Variants in RYR3 observed in about 807,000 individuals in gnomAD.
The protein encoded by RYR3 is ryanodine receptor 3, also known as brain ryanodine receptor-calcium release channel.
In RYR3, 207 loss-of-function variants were observed where a neutral mutation model predicts 584.3. The ratio of observed to expected loss-of-function variants is 0.35; its 90% CI spans 0.32 to 0.40. The LOEUF is 0.40. RYR3 is among the 10% of genes least tolerant of loss of function. The probability of loss-of-function intolerance (pLI) is 1.00; values close to 1 mark genes in which losing one functional copy is unlikely to be tolerated. For missense variants in RYR3, 5,616 were observed against 6,089.2 expected, an observed-to-expected ratio of 0.92 and a Z score of 2.59; for synonymous variants, 2,416 against 2,248.5, an observed-to-expected ratio of 1.07 and a Z score of -2.11.
chr15:33,477,802 G>A (rs1438831407), intron 2 of RYR3, among the ~76,000 whole-genome samples: 3 of 132,400 alleles, frequency 2.3e-5, no homozygotes, highest in Admixed American at 1.4e-4. Context: ...ATGAACCCGG[G>A]AGGCGGAGGT....
At position 33,580,095 on chromosome 15, in the gene RYR3, A is replaced by G; in HGVS notation, c.1388A>G (p.Gln463Arg). The G allele has an allele frequency of 6.2e-7, 1 of 1,613,448 alleles. No homozygotes were observed. The highest frequency in any genetic ancestry group is 8.5e-7 in the Non-Finnish European group (1 of 1,179,644). Residue 463 changes from glutamine (Q) to arginine (R), a missense_variant, in exon 13 of 104, where the codon CAG becomes CGG. By Grantham distance (43) the Gln-to-Arg change is conservative. Around this residue, in one of 9 missense-constraint regions of RYR3, gnomAD observed 1,284 missense variants for 1,344.6 expected, o/e 0.95. Coordinates refer to ENST00000634891, the MANE Select transcript of RYR3 (RefSeq NM_001036.6). ...GAGGAGATGCGACATGAAGACAAGC[A>G]GAACAAGCTCCGCTCACTCAAAAAC... ...PEEEMRHEDK[Q>R]NKLRSLKNRQ...
In RYR3 at chr15:33,807,679, C is replaced by A. The variant is rs28459255; in HGVS notation, c.10026+110C>A. ...GGGGGTGGTAGAGAATGGATTTTCC[C>A]GCCTGGAGGTCCCCCAGGCCTGCTC... On this transcript the variant is annotated intron_variant, in intron 70 of 103. Coordinates refer to ENST00000634891, the MANE Select transcript of RYR3 (RefSeq NM_001036.6). 7.3e-3 allele frequency: 8,042 copies of A among 1,103,852 alleles called. 393 individuals are homozygous for A. In the African/African-American group the frequency reaches 0.11, roughly 15 times the overall value. 68.4% of individuals were successfully genotyped at this position (1,103,852 alleles called of 1,614,324 possible).
At chr15:33,392,040 C>G (rs902858632) in intron 1 of RYR3, among the ~76,000 whole-genome samples, 1 of 151,992 alleles carries the variant, frequency 6.6e-6, no homozygotes, top group African/African-American at 2.4e-5. Flanking sequence ...TGCTTTTATT[C>G]TGCACTTTGT....
intron 49 of RYR3, among the ~76,000 whole-genome samples, chr15:33,736,869 C>G (rs889093067): frequency 6.6e-6 from 1 of 152,062 alleles, no homozygotes; most frequent in Non-Finnish European, 1.5e-5. Context: ...CTGCCTCAGC[C>G]TCCTGAGTAG....
intron 94 of RYR3, chr15:33,850,522 C>A (rs906742042): frequency 2.0e-5 from 3 of 152,098 alleles, no homozygotes; most frequent in Non-Finnish European, 4.4e-5. Flanking sequence ...GTAGGAAATG[C>A]ATAAATAAAT....
chr15:33,673,191 G>A (rs893156375), intron 38 of RYR3, among the ~76,000 whole-genome samples: 3 of 152,244 alleles, frequency 2.0e-5, no homozygotes, highest in Non-Finnish European at 2.9e-5. Context: ...TGAACCCAAC[G>A]GAATTCAATG....
At position 33,575,834 on chromosome 15, in the gene RYR3, TA is replaced by T. The variant is rs1555535394; in HGVS notation, c.1269-4130del. 2.8e-3 allele frequency among the ~76,000 whole-genome samples: 410 copies of T among 144,584 alleles called. 4 individuals carry two copies. Among genetic ancestry groups the T allele is most frequent in the East Asian group, 7.1e-3 (35 of 4,930 alleles). 94.9% of individuals were successfully genotyped at this position (144,584 alleles called of 152,430 possible). A position where few individuals can be genotyped will look rare whatever the true frequency, so the allele number is the denominator to read the frequency against. On this transcript the variant is annotated intron_variant, in intron 12 of 103. Coordinates refer to ENST00000634891, the MANE Select transcript of RYR3 (RefSeq NM_001036.6). ...CATCAACAAATACAGGAGCTGGTTT[TA>T]AAAAAAAAAAATTAATAAAATAGAC...
chr15:33,596,116 C>CT (rs1461647493), intron 16 of RYR3, among the ~76,000 whole-genome samples: 1 of 148,724 alleles, frequency 6.7e-6, no homozygotes, highest in African/African-American at 2.5e-5. Flanking sequence ...TTCTTTACGT[C>CT]TTTTTTATTC....
chr15:33,376,335 A>G (rs992765302), intron 1 of RYR3, among the ~76,000 whole-genome samples: 5 of 152,136 alleles, frequency 3.3e-5, no homozygotes, highest in African/African-American at 1.2e-4. Context: ...ATTCCTTTGT[A>G]TGAATATCCA....
At chr15:33,624,100 T>C (rs955683279) in intron 20 of RYR3, 77 bp downstream of exon 20, 3 of 1,030,038 alleles carry the variant, frequency 2.9e-6, no homozygotes, top group Non-Finnish European at 4.4e-6. Flanking sequence ...TTTCTTGTTT[T>C]TGAACCTTTC....
At chr15:33,320,015 C>G (rs1254804591) in intron 1 of RYR3, among the ~76,000 whole-genome samples, 3 of 152,190 alleles carry the variant, frequency 2.0e-5, no homozygotes, top group Non-Finnish European at 4.4e-5. Flanking sequence ...CGGGCCTGAT[C>G]TGTACGTTCA....
chr15:33,525,042 A>C (rs2054289783), intron 3 of RYR3, among the ~76,000 whole-genome samples: 2 of 152,124 alleles, frequency 1.3e-5, no homozygotes, highest in Non-Finnish European at 2.9e-5. Flanking sequence ...AAGAATGTAG[A>C]CTCTTCCGTT....
intron 69 of RYR3, among the ~76,000 whole-genome samples, chr15:33,806,877 C>T (rs1473017697): frequency 1.3e-5 from 2 of 151,800 alleles, no homozygotes; most frequent in African/African-American, 2.4e-5. Flanking sequence ...CCTCAGCATC[C>T]CTAGTAGCTG....
At chr15:33,758,436 G>A (rs1376362965) in intron 60 of RYR3, among the ~76,000 whole-genome samples, 1 of 152,132 alleles carries the variant, frequency 6.6e-6, no homozygotes, top group Non-Finnish European at 1.5e-5. Flanking sequence ...AGTCGACCTG[G>A]GACACTCGGG....
At chr15:33,533,613 G>C (rs892341975) in intron 5 of RYR3, among the ~76,000 whole-genome samples, 2 of 152,164 alleles carry the variant, frequency 1.3e-5, no homozygotes, top group Non-Finnish European at 2.9e-5. Flanking sequence ...CAGTCAGCCA[G>C]AATCTCAAAG....
chr15:33,760,890 A>G (rs185405482), intron 60 of RYR3, among the ~76,000 whole-genome samples: 1 of 152,340 alleles, frequency 6.6e-6, no homozygotes, highest in Admixed American at 6.5e-5. Flanking sequence ...AGAAATCACA[A>G]CAAACTGTCT....
chr15:33,432,187 T>C lies in RYR3; in HGVS notation c.52-41232T>C, dbSNP rs74539715. The stretch of plus-strand genomic sequence containing the variant: ...TTTTTGGAGAAAGCCAAGGTAAGCA[T>C]CACAAGCAGGAGCTTGTGAGGATCA... On this transcript the variant is annotated intron_variant, in intron 1 of 103. Transcript: ENST00000634891. 8.4e-3 allele frequency among the ~76,000 whole-genome samples: 1,277 copies of C among 152,194 alleles called. 11 individuals carry two copies. The highest frequency in any genetic ancestry group is 0.015 in the Non-Finnish European group (1,016 of 67,998).
chr15:33,716,963 T>G (rs988187125), intron 43 of RYR3, among the ~76,000 whole-genome samples: 3 of 152,356 alleles, frequency 2.0e-5, no homozygotes, highest in Admixed American at 2.0e-4. Flanking sequence ...TTCATCATCT[T>G]ATTGAGAATG....
At chr15:33,669,880 G>GGGGT (rs1555401736) in intron 37 of RYR3, among the ~76,000 whole-genome samples, 2 of 103,492 alleles carry the variant, frequency 1.9e-5, no homozygotes, top group Non-Finnish European at 3.8e-5. Context: ...GGGTGTGTGT[G>GGGGT]GTGTGTGTGT....
Sources: gnomAD v4.1 joint callset for allele counts (sites outside exome capture counted in the v4.1 genomes callset) on GRCh38, gnomAD v4.1.1 for gene constraint, gnomAD v4.1.1 regional missense constraint, MANE v1.5 for transcripts, NCBI Gene and HGNC (gene_info 2026-07-23, HGNC 2026-07-21) for gene names.